CTNNA2: variants seen among roughly 807,000 people sequenced by gnomAD.
The protein encoded by CTNNA2 is catenin alpha 2.
CTNNA2 carries 42 observed loss-of-function variants against 101.0 expected under a neutral mutation model. The ratio of observed to expected loss-of-function variants is 0.42; its 90% CI spans 0.32 to 0.54. The LOEUF is 0.54. Ranked by LOEUF, CTNNA2 falls within the 20% of genes least tolerant of loss-of-function variation. CTNNA2 has a pLI of 0.14. For synonymous variants in CTNNA2, 450 were observed against 456.4 expected, an observed-to-expected ratio of 0.99 and a Z score of 0.18; for missense variants, 871 against 1,223.1, an observed-to-expected ratio of 0.71 and a Z score of 4.29.
chr2:80,209,800 T>C (rs1707772793), intron 7 of CTNNA2, among the ~76,000 whole-genome samples: 1 of 152,218 alleles, frequency 6.6e-6, no homozygotes, highest in African/African-American at 2.4e-5. Flanking sequence ...TGAGTAAGGC[T>C]ATACATGATT....
At chr2:80,075,309 A>T (rs1464137589) in intron 7 of CTNNA2, among the ~76,000 whole-genome samples, 1 of 152,014 alleles carries the variant, frequency 6.6e-6, no homozygotes, top group East Asian at 1.9e-4. Context: ...CACAGAACAC[A>T]GTGGTCAAGA....
At chr2:79,428,622 C>A (rs766987947) in intron 4 of CTNNA2, among the ~76,000 whole-genome samples, 1 of 151,982 alleles carries the variant, frequency 6.6e-6, no homozygotes, top group African/African-American at 2.4e-5. Context: ...AAAAAAGAAA[C>A]AGGCAAGCTT....
chr2:79,207,543 A>T (rs1674116056), intron 2 of CTNNA2, among the ~76,000 whole-genome samples: 1 of 152,186 alleles, frequency 6.6e-6, no homozygotes, highest in South Asian at 2.1e-4. Flanking sequence ...TATCACTCCA[A>T]CACATAAAAA....
At chr2:79,800,969 A>G (rs905920578) in intron 3 of CTNNA2, among the ~76,000 whole-genome samples, 5 of 152,152 alleles carry the variant, frequency 3.3e-5, no homozygotes, top group Non-Finnish European at 7.3e-5. Flanking sequence ...CTCTAGATTA[A>G]TATATTGGGG....
intron 3 of CTNNA2, among the ~76,000 whole-genome samples, chr2:79,828,893 G>A (rs193210790): frequency 5.9e-5 from 9 of 152,256 alleles, no homozygotes; most frequent in Admixed American, 1.3e-4. Context: ...GAGAACCACT[G>A]GTCTGAATTG....
chr2:79,409,247 G>A (rs1227912565), intron 4 of CTNNA2, among the ~76,000 whole-genome samples: 1 of 152,046 alleles, frequency 6.6e-6, no homozygotes, highest in Non-Finnish European at 1.5e-5. Context: ...CATTTTGTAG[G>A]TTGCCTGTTC....
At chr2:79,438,439 T>G (rs898999307) in intron 4 of CTNNA2, among the ~76,000 whole-genome samples, 1 of 152,156 alleles carries the variant, frequency 6.6e-6, no homozygotes, top group African/African-American at 2.4e-5. Flanking sequence ...ACATCTACAT[T>G]ACTGGAAAAC....
intron 7 of CTNNA2, among the ~76,000 whole-genome samples, chr2:80,321,144 G>T (rs1198214176): frequency 6.6e-6 from 1 of 152,116 alleles, no homozygotes; most frequent in Non-Finnish European, 1.5e-5. Flanking sequence ...ATGACTGAAA[G>T]AAATGATATA....
chr2:79,560,799 C>T (rs1185040188), intron 1 of CTNNA2, among the ~76,000 whole-genome samples: 1 of 151,878 alleles, frequency 6.6e-6, no homozygotes, highest in Non-Finnish European at 1.5e-5. Context: ...AAAATGTTCA[C>T]CATCAGCTAT....
chr2:79,915,913 C>T (rs10193155), intron 7 of CTNNA2, among the ~76,000 whole-genome samples: 11,128 of 152,168 alleles, frequency 0.073, 825 homozygotes, highest in African/African-American at 0.17. Context: ...CGAAACCTTC[C>T]GAAGGGACTG....
intron 7 of CTNNA2, among the ~76,000 whole-genome samples, chr2:79,910,795 A>G (rs1402504753): frequency 6.6e-6 from 1 of 152,194 alleles, no homozygotes; most frequent in African/African-American, 2.4e-5. Context: ...CTCTCCCTCC[A>G]GCATCTTACC....
intron 9 of CTNNA2, among the ~76,000 whole-genome samples, chr2:80,496,502 C>A (rs1474687253): frequency 6.7e-6 from 1 of 150,304 alleles, no homozygotes; most frequent in Non-Finnish European, 1.5e-5. Context: ...GAGTTTAAAT[C>A]CAAGCTCTGC....
intron 1 of CTNNA2, among the ~76,000 whole-genome samples, chr2:79,611,063 A>G (rs1466543100): frequency 6.6e-6 from 1 of 152,142 alleles, no homozygotes; most frequent in East Asian, 1.9e-4. Flanking sequence ...TCAGATAAAC[A>G]AAACAATAGT....
At chr2:80,540,591 C>G (rs1470017521) in intron 9 of CTNNA2, among the ~76,000 whole-genome samples, 1 of 118,668 alleles carries the variant, frequency 8.4e-6, no homozygotes, top group Non-Finnish European at 1.7e-5. Context: ...AATGAGACTC[C>G]ATCTCAAAAA....
intron 3 of CTNNA2, among the ~76,000 whole-genome samples, chr2:79,329,307 T>G (rs1676817993): frequency 6.6e-6 from 1 of 152,264 alleles, no homozygotes. Flanking sequence ...TCATGCTTAC[T>G]ATCTCAACCC....
At chr2:79,280,628 T>TGTGG (rs1161203665) in intron 2 of CTNNA2, among the ~76,000 whole-genome samples, 12 of 113,992 alleles carry the variant, frequency 1.1e-4, no homozygotes, top group Non-Finnish European at 2.2e-4. Flanking sequence ...GTATGCTGTG[T>TGTGG]GTGTGTGTGT....
At chr2:79,850,964 C>T (rs77086928) in intron 3 of CTNNA2, among the ~76,000 whole-genome samples, 2 of 152,172 alleles carry the variant, frequency 1.3e-5, no homozygotes, top group Non-Finnish European at 2.9e-5. Flanking sequence ...TACACCACCC[C>T]CTTGCTGCTG....
At chr2:80,606,555 C>A (rs1245517016) in intron 16 of CTNNA2, among the ~76,000 whole-genome samples, 1 of 151,810 alleles carries the variant, frequency 6.6e-6, no homozygotes, top group Non-Finnish European at 1.5e-5. Flanking sequence ...AAATAACTTG[C>A]AATTTTTGAT....
intron 8 of CTNNA2, among the ~76,000 whole-genome samples, chr2:80,401,321 T>A (rs1409344762): frequency 6.6e-6 from 1 of 152,132 alleles, no homozygotes; most frequent in Non-Finnish European, 1.5e-5. Flanking sequence ...TTGCCTCCAT[T>A]CTAAACTCAC....
Sources: allele counts gnomAD v4.1 joint callset (sites outside exome capture counted in the v4.1 genomes callset), GRCh38; gene constraint gnomAD v4.1.1; transcripts MANE v1.5; gene names NCBI Gene and HGNC (gene_info 2026-07-23, HGNC 2026-07-21).